The following MMS22L variants were observed in gnomAD, a reference collection of about 807,000 sequenced individuals.
MMS22L encodes the protein MMS22 like, DNA repair protein, also known as protein MMS22-like.
MMS22L carries 74 observed loss-of-function variants against 159.1 expected under a neutral mutation model. That is an observed-to-expected ratio of 0.47 (90% CI 0.39 to 0.56). The LOEUF (loss-of-function observed/expected upper bound fraction) is 0.56. Among genes scored for constraint, MMS22L ranks in the 20% least tolerant of loss-of-function variants. MMS22L has a pLI of 0.00. For missense variants in MMS22L, 1,351 were observed against 1,422.1 expected (o/e 0.95, Z 0.80); for synonymous variants, 517 against 506.9 (o/e 1.02, Z -0.27).
chr6:97,163,376 T>C (rs1191958786), intron 21 of MMS22L, among the ~76,000 whole-genome samples: 1 of 151,504 alleles, frequency 6.6e-6, no homozygotes, highest in Non-Finnish European at 1.5e-5. Context: ...GATGAGGGAG[T>C]GCAGGAATAG....
chr6:97,282,232 GT>G, intron 2 of MMS22L, 81 bp downstream of exon 2: 2 of 1,442,842 alleles, frequency 1.4e-6, no homozygotes, highest in Non-Finnish European at 1.9e-6. Flanking sequence ...GAACACCAAA[GT>G]TTAATGGGCT....
intron 14 of MMS22L, among the ~76,000 whole-genome samples, chr6:97,212,490 T>C (rs1808496113): frequency 1.3e-5 from 2 of 152,228 alleles, no homozygotes; most frequent in South Asian, 2.1e-4. Context: ...TCTCTCACTT[T>C]ACTTCTCTGA....
Position 97,239,644 on chromosome 6 carries a change from G to C in MMS22L, c.1183-5664C>G, listed in dbSNP as rs193006391. 6.0e-4 allele frequency among the ~76,000 whole-genome samples: 92 copies of C among 152,270 alleles called. 1 individual carries two copies. Among genetic ancestry groups the C allele is most frequent in the East Asian group, 2.7e-3 (14 of 5,172 alleles). ...CTGTAGTGGTCAGGCTGGGTGCGGTGGCTCCCATCTGTAATCCCAAGCACT... is the reference window on the plus strand; with the variant it reads ...CTGTAGTGGTCAGGCTGGGTGCGGTCGCTCCCATCTGTAATCCCAAGCACT... On this transcript the variant is annotated intron_variant, in intron 11 of 24. Coordinates refer to ENST00000683635, the MANE Select transcript of MMS22L (RefSeq NM_001350599.2).
At chr6:97,268,858 T>C (rs1312617553) in intron 7 of MMS22L, among the ~76,000 whole-genome samples, 1 of 152,010 alleles carries the variant, frequency 6.6e-6, no homozygotes, top group Non-Finnish European at 1.5e-5. Flanking sequence ...TGTGTATGAA[T>C]ATATGTAAGT....
chr6:97,198,149 C>T (rs553845475), intron 14 of MMS22L, among the ~76,000 whole-genome samples: 1 of 152,234 alleles, frequency 6.6e-6, no homozygotes, highest in Admixed American at 6.5e-5. Context: ...CCCTGAAATG[C>T]AATGTAGGAA....
At chr6:97,196,515 G>T (rs1806526441) in intron 14 of MMS22L, among the ~76,000 whole-genome samples, 1 of 152,090 alleles carries the variant, frequency 6.6e-6, no homozygotes, top group African/African-American at 2.4e-5. Flanking sequence ...TTTGTATAAT[G>T]TAACTATAGT....
intron 11 of MMS22L, among the ~76,000 whole-genome samples, chr6:97,234,874 A>T (rs2128008140): frequency 6.6e-6 from 1 of 152,346 alleles, no homozygotes. Context: ...TGGAAGAAAA[A>T]CATTCAAGGC....
In MMS22L at chr6:97,219,867, C is replaced by A. The variant is rs1016872956; in HGVS notation, c.2039+9027G>T. Among the ~76,000 whole-genome samples the A allele has an allele frequency of 2.6e-5, 4 of 152,130 alleles. No homozygotes were observed. The East Asian group carries it at 5.8e-4, about 22-fold the overall frequency. ...ATGATGCTCTTTAATTCCATCTCTACCTCTCATCAACATACTACTAACTTC... is the reference window on the plus strand; with the variant it reads ...ATGATGCTCTTTAATTCCATCTCTAACTCTCATCAACATACTACTAACTTC... On this transcript the variant is annotated intron_variant, in intron 14 of 24. Transcript: ENST00000683635.
intron 15 of MMS22L, 130 bp downstream of exon 15, chr6:97,186,367 T>C (rs1805228242): frequency 1.7e-6 from 1 of 600,790 alleles, no homozygotes; most frequent in Non-Finnish European, 2.7e-6. Flanking sequence ...TTTATTAATA[T>C]GTAATTTGTT....
Position 97,161,460 on chromosome 6 carries a change from T to C in MMS22L, c.3385+542A>G, listed in dbSNP as rs545132062. Among the ~76,000 whole-genome samples the C allele has an allele frequency of 6.2e-4, 94 of 152,164 alleles. 1 individual carries two copies. Among genetic ancestry groups the C allele is most frequent in the African/African-American group, 2.2e-3 (93 of 41,532 alleles). On this transcript the variant is annotated intron_variant, in intron 22 of 24. Coordinates refer to ENST00000683635, the MANE Select transcript of MMS22L (RefSeq NM_001350599.2). Reference sequence around the variant, plus strand: ...GAGATTTATTCTGACCTAAGAGCTCTATCCCAAAGTGCTGGGATTACAGGT... The same window carrying C: ...GAGATTTATTCTGACCTAAGAGCTCCATCCCAAAGTGCTGGGATTACAGGT...
intron 14 of MMS22L, among the ~76,000 whole-genome samples, chr6:97,199,647 C>T (rs1031772929): frequency 1.3e-5 from 2 of 151,850 alleles, no homozygotes; most frequent in African/African-American, 4.8e-5. Flanking sequence ...GTGACCATTG[C>T]CAATTGTGTT....
chr6:97,164,508 C>T (rs1802763312), intron 21 of MMS22L, among the ~76,000 whole-genome samples: 1 of 147,548 alleles, frequency 6.8e-6, no homozygotes. Flanking sequence ...TTTTGTTTTT[C>T]ATTTGCTTAA....
At chr6:97,255,133 C>T (rs189222005) in intron 9 of MMS22L, among the ~76,000 whole-genome samples, 205 of 152,108 alleles carry the variant, frequency 1.3e-3, no homozygotes, top group African/African-American at 4.6e-3. Context: ...GTCAATGCTG[C>T]GTTTCTGATG....
At chr6:97,255,121 T>C (rs1562511410) in intron 9 of MMS22L, among the ~76,000 whole-genome samples, 1 of 152,122 alleles carries the variant, frequency 6.6e-6, no homozygotes, top group Non-Finnish European at 1.5e-5. Flanking sequence ...CTTGCTTCTT[T>C]GGTCAATGCT....
intron 21 of MMS22L, among the ~76,000 whole-genome samples, chr6:97,163,354 A>G (rs1425507123): frequency 6.6e-6 from 1 of 152,030 alleles, no homozygotes. Flanking sequence ...CAGAGAAAAG[A>G]GCCCTAACTC....
intron 9 of MMS22L, chr6:97,259,076 T>C (rs1225681134): frequency 6.6e-6 from 1 of 152,190 alleles, no homozygotes; most frequent in African/African-American, 2.4e-5. Context: ...AGTTTGTCTT[T>C]CCAGTATTTA....
At chr6:97,233,613 T>C (rs992186826) in intron 12 of MMS22L, among the ~76,000 whole-genome samples, 2 of 152,174 alleles carry the variant, frequency 1.3e-5, no homozygotes, top group African/African-American at 4.8e-5. Context: ...TATAAATATC[T>C]GATACATTTT....
chr6:97,231,529 T>G lies in MMS22L; in HGVS notation c.1426A>C (p.Lys476Gln). The G allele has an allele frequency of 3.7e-6, 6 of 1,613,834 alleles. No homozygotes were observed. The highest frequency in any genetic ancestry group is 5.1e-6 in the Non-Finnish European group (6 of 1,179,788). ...AAAATAGTATAACTACTGCTGGATT[T>G]ATATAGTTCCTGATCTTGTTTATCG... ...CCDKQDQELY[K>Q]SSSSYTIFLC... is the part of the protein sequence containing the mutation. Residue 476 changes from lysine to glutamine, a missense_variant, in exon 13 of 25, where the codon AAA (lysine) becomes CAA (glutamine). Lys to Gln is a moderately conservative substitution (Grantham distance 53, BLOSUM62 1). Coordinates refer to ENST00000683635, the MANE Select transcript of MMS22L (RefSeq NM_001350599.2).
intron 4 of MMS22L, among the ~76,000 whole-genome samples, chr6:97,273,844 T>C (rs1815995444): frequency 6.6e-6 from 1 of 152,224 alleles, no homozygotes. Flanking sequence ...GGTCTTTCCA[T>C]GCTCTCTTTT....
Sources: gnomAD v4.1 joint callset for allele counts (sites outside exome capture counted in the v4.1 genomes callset) on GRCh38, gnomAD v4.1.1 for gene constraint, MANE v1.5 for transcripts, NCBI Gene and HGNC (gene_info 2026-07-23, HGNC 2026-07-21) for gene names.